Variants in DRC1 observed in about 807,000 individuals in gnomAD.
The protein encoded by DRC1 is dynein regulatory complex subunit 1.
DRC1 carries 74 observed loss-of-function variants against 98.7 expected under a neutral mutation model. The observed-to-expected ratio is 0.75, with a 90% CI of 0.62 to 0.91. The LOEUF (loss-of-function observed/expected upper bound fraction) is 0.91, where lower values mean the gene tolerates loss of function less well. DRC1 is among the 40% of genes least tolerant of loss of function. The probability of loss-of-function intolerance (pLI) is 0.00; values close to 1 mark genes in which losing one functional copy is unlikely to be tolerated. For synonymous variants in DRC1, 336 were observed against 334.1 expected (o/e 1.01, Z -0.06); for missense variants, 875 against 886.0 (o/e 0.99, Z 0.16).
intron 1 of DRC1, among the ~76,000 whole-genome samples, chr2:26,403,929 G>C (rs959709079): frequency 1.3e-5 from 2 of 151,836 alleles, no homozygotes; most frequent in Non-Finnish European, 2.9e-5. Flanking sequence ...GTGAAACCCT[G>C]TCTCTATTAA....
chr2:26,425,805 A>C (rs1244120608), intron 4 of DRC1, among the ~76,000 whole-genome samples: 3 of 152,250 alleles, frequency 2.0e-5, no homozygotes, highest in African/African-American at 7.2e-5. Flanking sequence ...TATTTTGGAC[A>C]TTAACCCCTT....
intron 8 of DRC1, among the ~76,000 whole-genome samples, chr2:26,441,567 A>G (rs1663718474): frequency 6.6e-6 from 1 of 152,164 alleles, no homozygotes; most frequent in Non-Finnish European, 1.5e-5. Context: ...AGCTTCCCAA[A>G]GAAGTGAAAT....
intron 1 of DRC1, among the ~76,000 whole-genome samples, chr2:26,409,812 A>G (rs1034216409): frequency 7.9e-5 from 12 of 152,328 alleles, no homozygotes; most frequent in African/African-American, 2.6e-4. Flanking sequence ...TAATTTTTTC[A>G]TAGGCTTTTT....
chr2:26,437,571 G>A (rs1303604800), intron 7 of DRC1, among the ~76,000 whole-genome samples: 1 of 152,134 alleles, frequency 6.6e-6, no homozygotes, highest in Non-Finnish European at 1.5e-5. Context: ...TCTTTGGAAA[G>A]CAATTTATTG....
Position 26,418,731 on chromosome 2 carries a change from T to A in DRC1, c.244-2557T>A, listed in dbSNP as rs866561284. Among the ~76,000 whole-genome samples the A allele has an allele frequency of 3.6e-3, 359 of 100,188 alleles. 5 individuals carry two copies. The highest frequency in any genetic ancestry group is 0.012 in the African/African-American group (310 of 25,336). The allele number at this position is 100,188 out of a possible 152,430, so 65.7% of individuals were successfully genotyped here. On this transcript the variant is annotated intron_variant, in intron 2 of 16. Coordinates refer to ENST00000288710, the MANE Select transcript of DRC1 (RefSeq NM_145038.5). ...AATTTATATAATATATAAATTATATTTAATTTATATATAATATAAATTATA... is the reference window on the plus strand; with the variant it reads ...AATTTATATAATATATAAATTATATATAATTTATATATAATATAAATTATA...
chr2:26,453,720 A>C (rs1229380301), intron 14 of DRC1, among the ~76,000 whole-genome samples, 171 bp downstream of exon 14: 1 of 152,240 alleles, frequency 6.6e-6, no homozygotes, highest in Non-Finnish European at 1.5e-5. Context: ...GACAGTCAGG[A>C]AAGCAATAGG....
chr2:26,436,926 T>C lies in DRC1; in HGVS notation c.889-3452T>C, dbSNP rs1357651571. 2.0e-5 allele frequency among the ~76,000 whole-genome samples: 3 copies of C among 152,130 alleles called. No homozygotes were observed. The East Asian group carries it at 5.8e-4, about 29-fold the overall frequency. On this transcript the variant is annotated intron_variant, in intron 7 of 16. Transcript: ENST00000288710. ...CATTGTCATCCCAAATGGAGAGCAG[T>C]TCCGAAGACCCTCCTTCTCTGTGAG...
At chr2:26,446,680 G>C (rs923068754) in intron 10 of DRC1, among the ~76,000 whole-genome samples, 1 of 152,076 alleles carries the variant, frequency 6.6e-6, no homozygotes, top group African/African-American at 2.4e-5. Flanking sequence ...TGCCTCAGAG[G>C]AAAATATCAG....
Position 26,444,372 on chromosome 2 carries a change from G to C in DRC1, c.1163+16G>C. 6.2e-7 allele frequency: 1 copy of C among 1,611,958 alleles called. No individual in the cohort carries two copies. ...AAGCCATGAGGTATCTTAAGGACTT[G>C]GTCCTAAGGCACTTGTCCTAGCATA... On this transcript the variant is annotated intron_variant, in intron 9 of 16. Coordinates refer to ENST00000288710, the MANE Select transcript of DRC1 (RefSeq NM_145038.5).
chr2:26,402,096 T>TC lies in DRC1; in HGVS notation c.109dup (p.Gln37ProfsTer30), dbSNP rs750136163. 54 of 1,612,494 alleles carry TC rather than the reference T, an allele frequency of 3.3e-5. No homozygotes were observed. In the Middle Eastern group the frequency reaches 4.9e-4, roughly 15 times the overall value. ...CACTCCGACAACTCTCAGGAGCGCA[T>TC]CCAGGCCCGGCGCCTCCGCATCGCT... On this transcript the variant is annotated frameshift_variant, in exon 1 of 17. Transcript: ENST00000288710. LOFTEE classifies it high-confidence loss of function.
Position 26,455,167 on chromosome 2 carries a change from A to G in DRC1, c.2100A>G (p.Glu700=), listed in dbSNP as rs1204217245. Residue 700 remains glutamate (E), a synonymous_variant, in exon 16 of 17, where the codon GAA becomes GAG. Coordinates refer to ENST00000288710, the MANE Select transcript of DRC1 (RefSeq NM_145038.5). The part of the protein sequence containing the change: ...VLTQRAKLLL[E]NSSLEQQNTE... ...CCCAGAGGGCCAAGCTGCTGCTGGA[A>G]AACAGTTCTCTGGAGCAGCAGAACA... 4.3e-6 allele frequency: 7 copies of G among 1,613,960 alleles called. No individual in the cohort carries two copies. Among genetic ancestry groups the G allele is most frequent in the East Asian group, 2.2e-5 (1 of 44,888 alleles).
rs537572896 is a variant in DRC1 at position 26,414,574 on chromosome 2, G to C, written c.243+143G>C. 5 of 713,526 alleles carry C rather than the reference G, an allele frequency of 7.0e-6. No homozygotes were observed. In the African/African-American group the frequency reaches 7.2e-5, roughly 10 times the overall value. 44.2% of individuals were successfully genotyped at this position (713,526 alleles called of 1,614,324 possible). On this transcript the variant is annotated intron_variant, in intron 2 of 16. Coordinates refer to ENST00000288710, the MANE Select transcript of DRC1 (RefSeq NM_145038.5). ...TGAATAGAATCTTTCCCATTTGAGA[G>C]CTCTCTAGGAGTGAGCTTTCAGATG... is the stretch of plus-strand genomic sequence containing the variant.
chr2:26,422,755 A>G (rs1287587610), intron 3 of DRC1, among the ~76,000 whole-genome samples: 1 of 152,056 alleles, frequency 6.6e-6, no homozygotes, highest in Non-Finnish European at 1.5e-5. Context: ...GTCTCTACTA[A>G]GAACACAAAA....
In DRC1 at chr2:26,421,549, T is replaced by TTC. The variant is rs758904928; in HGVS notation, c.356+157_356+158dup. 8.6e-4 allele frequency: 375 copies of TTC among 437,112 alleles called. 2 individuals are homozygous for TTC. Among genetic ancestry groups the TTC allele is most frequent in the African/African-American group, 3.6e-3 (166 of 46,462 alleles). The allele number at this position is 437,112 out of a possible 1,614,324, so 27.1% of individuals were successfully genotyped here. Reference sequence around the variant, plus strand: ...CTTCTCCCTCCCTCCCTCCTCTTCTTTCTCTCTCTTTTTTTTTTTTTTTTT... The same window carrying TTC: ...CTTCTCCCTCCCTCCCTCCTCTTCTTTCTCTCTCTCTTTTTTTTTTTTTTTTT... On this transcript the variant is annotated intron_variant, in intron 3 of 16. Transcript: ENST00000288710.
chr2:26,431,217 G>A (rs1663428759), intron 6 of DRC1, among the ~76,000 whole-genome samples: 1 of 152,198 alleles, frequency 6.6e-6, no homozygotes, highest in Non-Finnish European at 1.5e-5. Context: ...GCCTTCCAAA[G>A]TGCTGGGATT....
intron 4 of DRC1, among the ~76,000 whole-genome samples, chr2:26,426,720 C>T (rs1663294136): frequency 6.6e-6 from 1 of 152,118 alleles, no homozygotes; most frequent in African/African-American, 2.4e-5. Context: ...GTTCTTTTCT[C>T]AAGACTATTT....
At chr2:26,419,931 C>T (rs1663081106) in intron 2 of DRC1, among the ~76,000 whole-genome samples, 1 of 152,174 alleles carries the variant, frequency 6.6e-6, no homozygotes, top group African/African-American at 2.4e-5. Context: ...ACAATCTTTT[C>T]CTGCCTTAGA....
chr2:26,444,476 G>T, intron 9 of DRC1, 120 bp downstream of exon 9: 1 of 1,374,798 alleles, frequency 7.3e-7, no homozygotes, highest in East Asian at 2.4e-5. Flanking sequence ...GCTGGACCAG[G>T]CACTAGTTAA....
chr2:26,441,031 A>G (rs1558449723), intron 8 of DRC1, among the ~76,000 whole-genome samples: 1 of 152,204 alleles, frequency 6.6e-6, no homozygotes, highest in South Asian at 2.1e-4. Context: ...AGTACTCATG[A>G]CATGTGCCAG....
Sources: allele counts gnomAD v4.1 joint callset (sites outside exome capture counted in the v4.1 genomes callset), GRCh38; gene constraint gnomAD v4.1.1; transcripts MANE v1.5; gene names NCBI Gene and HGNC (gene_info 2026-07-23, HGNC 2026-07-21).